The following ALK variants were observed in gnomAD, a reference collection of about 807,000 sequenced individuals.
ALK encodes ALK receptor tyrosine kinase, also known as ALK tyrosine kinase receptor.
A neutral mutation model predicts 163.1 loss-of-function variants in ALK; 74 were observed. That is an observed-to-expected ratio of 0.45 (90% CI 0.38 to 0.55). The LOEUF is 0.55. Among genes scored for constraint, ALK ranks in the 20% least tolerant of loss-of-function variants. The pLI is 0.00. For synonymous variants in ALK, 960 were observed against 843.2 expected, an observed-to-expected ratio of 1.14 and a Z score of -2.40; for missense variants, 2,063 against 2,105.3, an observed-to-expected ratio of 0.98 and a Z score of 0.39.
chr2:29,693,137 A>G (rs533234207), intron 3 of ALK, among the ~76,000 whole-genome samples: 1 of 152,144 alleles, frequency 6.6e-6, no homozygotes, highest in Non-Finnish European at 1.5e-5. Context: ...GGGATACAGG[A>G]AACTCCAAAA....
At chr2:29,679,446 T>A (rs1437322468) in intron 3 of ALK, among the ~76,000 whole-genome samples, 1 of 151,804 alleles carries the variant, frequency 6.6e-6, no homozygotes, top group Non-Finnish European at 1.5e-5. Context: ...TCCTTGCTTT[T>A]TCTTTCTTTC....
At chr2:29,348,898 C>T (rs901488369) in intron 5 of ALK, among the ~76,000 whole-genome samples, 2 of 152,272 alleles carry the variant, frequency 1.3e-5, no homozygotes, top group African/African-American at 4.8e-5. Flanking sequence ...CTTTCAGTGG[C>T]TCTGACGACA....
intron 3 of ALK, among the ~76,000 whole-genome samples, chr2:29,571,427 CA>C (rs1338914457): frequency 6.6e-6 from 1 of 152,084 alleles, no homozygotes; most frequent in East Asian, 1.9e-4. Flanking sequence ...TGAGTTCTCA[CA>C]AGATCTGATG....
intron 5 of ALK, among the ~76,000 whole-genome samples, chr2:29,336,262 G>A (rs1667610893): frequency 6.6e-6 from 1 of 152,162 alleles, no homozygotes; most frequent in African/African-American, 2.4e-5. Flanking sequence ...GTAGCTGTTG[G>A]TGGTTGCATG....
chr2:29,674,561 G>A (rs1416746762), intron 3 of ALK, among the ~76,000 whole-genome samples: 1 of 150,702 alleles, frequency 6.6e-6, no homozygotes, highest in African/African-American at 2.4e-5. Flanking sequence ...TTGATGTGCT[G>A]CTGGATTCGT....
intron 3 of ALK, among the ~76,000 whole-genome samples, chr2:29,633,346 C>A (rs1227370153): frequency 6.6e-6 from 1 of 151,858 alleles, no homozygotes; most frequent in East Asian, 1.9e-4. Context: ...CACATAGATC[C>A]CAAAGGAAGT....
chr2:29,693,273 T>C (rs1327358659), intron 3 of ALK, among the ~76,000 whole-genome samples: 1 of 152,106 alleles, frequency 6.6e-6, no homozygotes, highest in Non-Finnish European at 1.5e-5. Context: ...CTAGTAGAAA[T>C]GTAAAATACA....
chr2:29,637,690 C>T (rs1466810030), intron 3 of ALK, among the ~76,000 whole-genome samples: 1 of 116,120 alleles, frequency 8.6e-6, no homozygotes, highest in East Asian at 2.5e-4. Flanking sequence ...GCCTGGGTGA[C>T]AGAGCAAGAC....
At chr2:29,508,359 T>G (rs1184624645) in intron 4 of ALK, among the ~76,000 whole-genome samples, 1 of 152,152 alleles carries the variant, frequency 6.6e-6, no homozygotes, top group Non-Finnish European at 1.5e-5. Flanking sequence ...TGGAATACTA[T>G]GCAGCCATAA....
chr2:29,684,991 A>T (rs1678193885), intron 3 of ALK, among the ~76,000 whole-genome samples: 1 of 152,228 alleles, frequency 6.6e-6, no homozygotes, highest in Admixed American at 6.5e-5. Flanking sequence ...TGAATGAGAA[A>T]GACTCAGCTT....
chr2:29,856,537 T>C (rs143679358), intron 1 of ALK, among the ~76,000 whole-genome samples: 301 of 152,290 alleles, frequency 2.0e-3, no homozygotes, highest in African/African-American at 6.8e-3. Flanking sequence ...TTGCTCGAGG[T>C]TGTGCAGTTA....
chr2:29,874,600 T>A (rs766604748), intron 1 of ALK, among the ~76,000 whole-genome samples: 1 of 152,170 alleles, frequency 6.6e-6, no homozygotes, highest in African/African-American at 2.4e-5. Flanking sequence ...AAATTACCAA[T>A]GTCATTTCTC....
intron 1 of ALK, among the ~76,000 whole-genome samples, chr2:29,747,565 A>C (rs1680238119): frequency 6.6e-6 from 1 of 152,210 alleles, no homozygotes. Flanking sequence ...GACAGGTAGA[A>C]GCATCAGTTT....
intron 3 of ALK, among the ~76,000 whole-genome samples, chr2:29,637,004 C>A (rs993031017): frequency 6.6e-6 from 1 of 152,122 alleles, no homozygotes; most frequent in African/African-American, 2.4e-5. Flanking sequence ...TAACATGGTA[C>A]AGCCACTCTG....
intron 1 of ALK, among the ~76,000 whole-genome samples, chr2:29,793,637 A>C (rs1664239601): frequency 6.6e-6 from 1 of 152,094 alleles, no homozygotes; most frequent in Non-Finnish European, 1.5e-5. Flanking sequence ...AGTAGGCATA[A>C]AAAAATTAAT....
chr2:29,669,915 C>A (rs1430227944), intron 3 of ALK, among the ~76,000 whole-genome samples: 1 of 151,920 alleles, frequency 6.6e-6, no homozygotes, highest in Non-Finnish European at 1.5e-5. Context: ...AACTCCATAT[C>A]CCCCACATGT....
At position 29,280,530 on chromosome 2, in the gene ALK, A is replaced by C. The variant is rs368562317; in HGVS notation, c.1818-5034T>G. Among the ~76,000 whole-genome samples the C allele has an allele frequency of 1.6e-3, 221 of 133,980 alleles. 1 individual carries two copies. Among genetic ancestry groups the C allele is most frequent in the African/African-American group, 5.9e-3 (205 of 34,780 alleles). The allele number at this position is 133,980 out of a possible 152,430, so 87.9% of individuals were successfully genotyped here. On this transcript the variant is annotated intron_variant, in intron 9 of 28. Coordinates refer to ENST00000389048, the MANE Select transcript of ALK (RefSeq NM_004304.5). ...AAAGTTCTAGTATGTACCAGGTAGA[A>C]CACTGTGGGACTGAGGGGAGGTTGT...
At chr2:29,505,217 C>A (rs1471262277) in intron 4 of ALK, among the ~76,000 whole-genome samples, 1 of 152,144 alleles carries the variant, frequency 6.6e-6, no homozygotes, top group Non-Finnish European at 1.5e-5. Context: ...GAATTCTCTA[C>A]TGGGTGGGAC....
chr2:29,638,409 G>A lies in ALK; in HGVS notation c.952+56441C>T, dbSNP rs1041709240. Among the ~76,000 whole-genome samples the A allele has an allele frequency of 4.0e-5, 6 of 151,752 alleles. No homozygotes were observed. The South Asian group carries it at 1.2e-3, about 32-fold the overall frequency. ...CTGTGGATGAAAGCTCTCCACTCAA[G>A]CAATCTTCATTTTGTTTGGGGAGAC... On this transcript the variant is annotated intron_variant, in intron 3 of 28. Coordinates refer to ENST00000389048, the MANE Select transcript of ALK (RefSeq NM_004304.5).
Sources: gnomAD v4.1 joint callset for allele counts (sites outside exome capture counted in the v4.1 genomes callset) on GRCh38, gnomAD v4.1.1 for gene constraint, MANE v1.5 for transcripts, NCBI Gene and HGNC (gene_info 2026-07-23, HGNC 2026-07-21) for gene names.